The following FAM78A variants were observed in gnomAD, a reference collection of about 807,000 sequenced individuals.
The protein encoded by FAM78A is protein FAM78A.
FAM78A carries 12 observed loss-of-function variants against 22.6 expected under a neutral mutation model. The observed-to-expected ratio is 0.53, with a 90% CI of 0.34 to 0.86. The LOEUF is 0.86. Ranked by LOEUF, FAM78A falls within the 40% of genes least tolerant of loss-of-function variation. FAM78A has a pLI of 0.02. For synonymous variants in FAM78A, 151 were observed against 155.8 expected, an observed-to-expected ratio of 0.97 and a Z score of 0.23; for missense variants, 322 against 396.1, an observed-to-expected ratio of 0.81 and a Z score of 1.59.
At chr9:131,269,189 T>TG (rs1460152408) in intron 1 of FAM78A, among the ~76,000 whole-genome samples, 2 of 152,004 alleles carry the variant, frequency 1.3e-5, no homozygotes, top group Non-Finnish European at 2.9e-5. Context: ...CCATGTACTC[T>TG]GGTAAACATC....
upstream of FAM78A, among the ~76,000 whole-genome samples, chr9:131,279,863 A>G (rs1426383585): frequency 6.6e-6 from 1 of 152,200 alleles, no homozygotes; most frequent in African/African-American, 2.4e-5. Flanking sequence ...GAGACTTCTC[A>G]GAGGCTGGAT....
At position 131,265,858 on chromosome 9, in the gene FAM78A, G is replaced by T. The variant is rs12337090; in HGVS notation, c.324-4508C>A. On this transcript the variant is annotated intron_variant, in intron 1 of 1. Coordinates refer to ENST00000372271, the MANE Select transcript of FAM78A (RefSeq NM_033387.4). The surrounding 1 kb of genome is among the most constrained non-coding windows in gnomAD (Gnocchi z 4.3). ...CACCTGTCACACTCCCATCCTCCTA[G>T]GGACCCCAAAGGACAGCAGGCAAGT... 1.1e-4 allele frequency among the ~76,000 whole-genome samples: 16 copies of T among 152,026 alleles called. No homozygotes were observed. In the South Asian group the frequency reaches 2.7e-3, roughly 26 times the overall value.
At chr9:131,277,260 T>A (rs1318071388), upstream of FAM78A, among the ~76,000 whole-genome samples, 1 of 151,824 alleles carries the variant, frequency 6.6e-6, no homozygotes, top group Admixed American at 6.6e-5. The surrounding 1 kb of genome is among the most constrained non-coding windows in gnomAD (Gnocchi z 8.4). Context: ...CCCTGCTCTG[T>A]CCCCACCGCC....
chr9:131,269,712 G>A (rs559980593), intron 1 of FAM78A, among the ~76,000 whole-genome samples: 2 of 152,092 alleles, frequency 1.3e-5, no homozygotes, highest in Non-Finnish European at 2.9e-5. Context: ...CCTGACCTCA[G>A]ATGATCCACC....
chr9:131,278,696 G>T (rs188395564), upstream of FAM78A, among the ~76,000 whole-genome samples: 3 of 152,342 alleles, frequency 2.0e-5, no homozygotes, highest in Admixed American at 6.5e-5. Flanking sequence ...GGAGCATGAG[G>T]CTGTACAGCC....
chr9:131,266,978 AG>A (rs2131171793), intron 1 of FAM78A, among the ~76,000 whole-genome samples: 1 of 152,328 alleles, frequency 6.6e-6, no homozygotes, highest in East Asian at 1.9e-4. Context: ...CTTGTTGGAC[AG>A]TCACCTTAGC....
Position 131,276,199 on chromosome 9 carries a change from G to C in FAM78A, c.-20C>G, listed in dbSNP as rs368516229. 1 of 1,602,544 alleles carries C rather than the reference G, an allele frequency of 6.2e-7. No homozygotes were observed. Among genetic ancestry groups the C allele is most frequent in the Non-Finnish European group, 8.5e-7 (1 of 1,173,570 alleles). ...AGGCATTGAAAGGACAGAGGCTGCA[G>C]GACCCAGTACAGACGGCGCTGCTCT... On this transcript the variant is annotated 5_prime_UTR_variant, in exon 1 of 2. Coordinates refer to ENST00000372271, the MANE Select transcript of FAM78A (RefSeq NM_033387.4). The surrounding 1 kb of genome is among the most constrained non-coding windows in gnomAD (Gnocchi z 4.3).
intron 1 of FAM78A, among the ~76,000 whole-genome samples, chr9:131,266,921 T>C (rs1345112581): frequency 1.3e-5 from 2 of 152,234 alleles, no homozygotes; most frequent in African/African-American, 2.4e-5. Context: ...CCCCCAAAGT[T>C]GCCCTGAGCT....
chr9:131,265,949 G>A lies in FAM78A; in HGVS notation c.324-4599C>T, dbSNP rs979094531. Among the ~76,000 whole-genome samples, 1 of 152,188 alleles carries A rather than the reference G, an allele frequency of 6.6e-6. No individual in the cohort carries two copies. The highest frequency in any genetic ancestry group is 1.5e-5 in the Non-Finnish European group (1 of 68,034). ...AGTGGCTTCCTCAGCCTCCCGCAGCGTCCCTGTCCTGAGTCCCATCATCAC... is the reference window on the plus strand; with the variant it reads ...AGTGGCTTCCTCAGCCTCCCGCAGCATCCCTGTCCTGAGTCCCATCATCAC... On this transcript the variant is annotated intron_variant, in intron 1 of 1. Transcript: ENST00000372271. The surrounding 1 kb of genome is among the most constrained non-coding windows in gnomAD (Gnocchi z 4.3).
rs1451828313 is a variant in FAM78A, at chr9:131,259,476, T to A, written c.*1346A>T. The A allele has an allele frequency of 6.6e-6, 1 of 152,272 alleles. No homozygotes were observed. The highest frequency in any genetic ancestry group is 1.5e-5 in the Non-Finnish European group (1 of 68,096). 9.4% of individuals were successfully genotyped at this position (152,272 alleles called of 1,614,324 possible). On this transcript the variant is annotated 3_prime_UTR_variant, in exon 2 of 2. Coordinates refer to ENST00000372271, the MANE Select transcript of FAM78A (RefSeq NM_033387.4). ...CAGCCCTTGGCCTGGATTCACTTAT[T>A]TGAGGACAGGAAGCAGGGGCTCGGC... is the stretch of plus-strand genomic sequence containing the variant.
chr9:131,270,458 A>G (rs1279459834), intron 1 of FAM78A: 2 of 717,232 alleles, frequency 2.8e-6, no homozygotes, highest in Admixed American at 2.0e-5. Flanking sequence ...GTGACGCCTC[A>G]CTTGGTCTCC....
At chr9:131,266,862 G>A (rs891885739) in intron 1 of FAM78A, among the ~76,000 whole-genome samples, 5 of 152,222 alleles carry the variant, frequency 3.3e-5, no homozygotes, top group African/African-American at 4.8e-5. Flanking sequence ...GTCAGTGCAC[G>A]CTGGGTCTCC....
chr9:131,271,787 C>T (rs900369676), intron 1 of FAM78A, among the ~76,000 whole-genome samples: 2 of 151,998 alleles, frequency 1.3e-5, no homozygotes, highest in Non-Finnish European at 2.9e-5. Flanking sequence ...CCCACACAGG[C>T]GAGAAATTGT....
rs562274876 is a variant in FAM78A, at chr9:131,275,398, G to A, written c.323+459C>T. Among the ~76,000 whole-genome samples the A allele has an allele frequency of 9.8e-5, 15 of 152,340 alleles. No individual in the cohort carries two copies. In the South Asian group the frequency reaches 2.9e-3, roughly 29 times the overall value. Reference sequence around the variant, plus strand: ...CCAGAAAGATAATTGAGGCCCAATCGCAAAGCCCTGAACACACCGGTCTGG... The same window carrying A: ...CCAGAAAGATAATTGAGGCCCAATCACAAAGCCCTGAACACACCGGTCTGG... On this transcript the variant is annotated intron_variant, in intron 1 of 1. Coordinates refer to ENST00000372271, the MANE Select transcript of FAM78A (RefSeq NM_033387.4). The surrounding 1 kb of genome is among the most constrained non-coding windows in gnomAD (Gnocchi z 4.6).
rs547225337 is a variant in FAM78A, at chr9:131,261,040, G to A, written c.634C>T (p.Arg212Cys). Residue 212 changes from arginine (R) to cysteine (C), a missense_variant, in exon 2 of 2, where the codon CGC (arginine) becomes TGC (cysteine). Physicochemically the swap from Arg to Cys is radical, Grantham distance 180 (BLOSUM62 -3). Coordinates refer to ENST00000372271, the MANE Select transcript of FAM78A (RefSeq NM_033387.4). The surrounding 1 kb of genome is among the most constrained non-coding windows in gnomAD (Gnocchi z 7.1). Reference sequence around the variant, plus strand: ...TTCACCTCGATGCTGAGCTGCATGCGCCAGTGCAGCGTCTGCAGGATGATC... The same window carrying A: ...TTCACCTCGATGCTGAGCTGCATGCACCAGTGCAGCGTCTGCAGGATGATC... ...DMIILQTLHW[R>C]MQLSIEVNPN... 9.9e-6 allele frequency: 16 copies of A among 1,614,126 alleles called. No homozygotes were observed. The highest frequency in any genetic ancestry group is 4.0e-5 in the African/African-American group (3 of 75,068).
upstream of FAM78A, among the ~76,000 whole-genome samples, chr9:131,278,626 G>C (rs1835513702): frequency 6.6e-6 from 1 of 152,214 alleles, no homozygotes; most frequent in Admixed American, 6.5e-5. Context: ...GAGGCTAGGG[G>C]ATTTGCCCAA....
chr9:131,264,971 C>T (rs141323365), intron 1 of FAM78A, among the ~76,000 whole-genome samples: 1 of 152,260 alleles, frequency 6.6e-6, no homozygotes, highest in Non-Finnish European at 1.5e-5. Flanking sequence ...GATCTGCCTG[C>T]CTTGGCCTCC....
chr9:131,268,422 G>A (rs1459728610), intron 1 of FAM78A, among the ~76,000 whole-genome samples: 1 of 152,026 alleles, frequency 6.6e-6, no homozygotes, highest in Admixed American at 6.6e-5. Context: ...GGGAGGGGCT[G>A]GAGGTCTCGC....
At chr9:131,268,718 C>T (rs1309512733) in intron 1 of FAM78A, among the ~76,000 whole-genome samples, 1 of 151,786 alleles carries the variant, frequency 6.6e-6, no homozygotes, top group Non-Finnish European at 1.5e-5. Context: ...GGGTGAAACC[C>T]CGTCTCTACT....
Sources: allele counts gnomAD v4.1 joint callset (sites outside exome capture counted in the v4.1 genomes callset), GRCh38; gene constraint gnomAD v4.1.1; non-coding constraint Gnocchi (gnomAD v3.1); transcripts MANE v1.5; gene names NCBI Gene and HGNC (gene_info 2026-07-23, HGNC 2026-07-21).